Variants in TGFA observed in about 807,000 individuals in gnomAD.
TGFA encodes protransforming growth factor alpha.
TGFA carries 12 observed loss-of-function variants against 21.7 expected under a neutral mutation model. The ratio of observed to expected loss-of-function variants is 0.55; its 90% CI spans 0.35 to 0.90. TGFA has a LOEUF of 0.90. Ranked by LOEUF, TGFA falls within the 40% of genes least tolerant of loss-of-function variation. The pLI is 0.01. For missense variants in TGFA, 178 were observed against 210.8 expected, an observed-to-expected ratio of 0.84 and a Z score of 0.96; for synonymous variants, 79 against 88.1, an observed-to-expected ratio of 0.90 and a Z score of 0.58.
chr2:70,450,743 A>T lies in TGFA; in HGVS notation c.*116T>A. The T allele has an allele frequency of 8.1e-7, 1 of 1,231,872 alleles. No individual in the cohort carries two copies. Among genetic ancestry groups the T allele is most frequent in the Non-Finnish European group, 1.2e-6 (1 of 857,474 alleles). 76.3% of individuals were successfully genotyped at this position (1,231,872 alleles called of 1,614,324 possible). A position where few individuals can be genotyped will look rare whatever the true frequency, so the allele number is the denominator to read the frequency against. Reference sequence around the variant, plus strand: ...CACAAAAGGCTGCACAGGTGATTACAGGCCAAGTAGGAAGGTCTGTGGCAC... The same window carrying T: ...CACAAAAGGCTGCACAGGTGATTACTGGCCAAGTAGGAAGGTCTGTGGCAC... On this transcript the variant is annotated 3_prime_UTR_variant, in exon 6 of 6. Transcript: ENST00000295400.
chr2:70,545,038 A>G (rs1460219316), intron 1 of TGFA, among the ~76,000 whole-genome samples: 2 of 152,238 alleles, frequency 1.3e-5, no homozygotes, highest in African/African-American at 2.4e-5. Context: ...TTGTATCACA[A>G]GGGATAAATG....
chr2:70,537,588 C>CAAAA (rs1553504631), intron 1 of TGFA, among the ~76,000 whole-genome samples: 1 of 152,160 alleles, frequency 6.6e-6, no homozygotes, highest in Non-Finnish European at 1.5e-5. Flanking sequence ...GAGAAAGTTT[C>CAAAA]AGTGGTCTGG....
At position 70,514,857 on chromosome 2, in the gene TGFA, A is replaced by T; in HGVS notation, c.94+2T>A. On this transcript the variant is annotated splice_donor_variant, in intron 2 of 5. Coordinates refer to ENST00000295400, the MANE Select transcript of TGFA (RefSeq NM_003236.4). LOFTEE classifies it high-confidence loss of function. ...CCACACACCCACGGCAGCTGCACTC[A>T]CCACTCAGCGGGGACGTGCTGTTCT... 6.2e-7 allele frequency: 1 copy of T among 1,613,856 alleles called. No homozygotes were observed. The highest frequency in any genetic ancestry group is 8.5e-7 in the Non-Finnish European group (1 of 1,179,918).
intron 2 of TGFA, among the ~76,000 whole-genome samples, chr2:70,474,741 TAA>T (rs1404630432): frequency 6.6e-6 from 1 of 152,178 alleles, no homozygotes; most frequent in Non-Finnish European, 1.5e-5. Flanking sequence ...AGAGCAGGCC[TAA>T]GATGGACTTC....
intron 1 of TGFA, among the ~76,000 whole-genome samples, chr2:70,518,384 T>G (rs1384664194): frequency 6.6e-6 from 1 of 152,174 alleles, no homozygotes; most frequent in African/African-American, 2.4e-5. Context: ...TCCCTCAAAA[T>G]AGAGTGGGAA....
Position 70,514,443 on chromosome 2 carries a change from A to G in TGFA, c.94+416T>C, listed in dbSNP as rs1208417787. On this transcript the variant is annotated intron_variant, in intron 2 of 5. Coordinates refer to ENST00000295400, the MANE Select transcript of TGFA (RefSeq NM_003236.4). The stretch of plus-strand genomic sequence containing the variant: ...TACCGATTTTTTTTTTTTTTTTACT[A>G]TAAGTATTAAAACGTAAACCAGAAA... Among the ~76,000 whole-genome samples, 8 of 147,910 alleles carry G rather than the reference A, an allele frequency of 5.4e-5. 1 individual carries two copies. The highest frequency in any genetic ancestry group is 1.2e-4 in the African/African-American group (5 of 40,070).
chr2:70,477,656 C>G (rs1335427362), intron 2 of TGFA, among the ~76,000 whole-genome samples: 1 of 152,118 alleles, frequency 6.6e-6, no homozygotes, highest in Non-Finnish European at 1.5e-5. Flanking sequence ...CAGGCTTGGT[C>G]CATAAGAACC....
At chr2:70,521,606 G>GTTTTTTTTTTTTTTTTTTTTTTT (rs1559133439) in intron 1 of TGFA, among the ~76,000 whole-genome samples, 1 of 98,222 alleles carries the variant, frequency 1.0e-5, no homozygotes, top group African/African-American at 4.2e-5. Context: ...TTTTTTTGTT[G>GTTTTTTTTTTTTTTTTTTTTTTT]TTGTTTGTTT....
intron 1 of TGFA, among the ~76,000 whole-genome samples, chr2:70,552,978 G>A (rs900097226): frequency 7.9e-5 from 12 of 152,270 alleles, no homozygotes; most frequent in African/African-American, 2.9e-4. Flanking sequence ...GCCAAAAAAC[G>A]CACCGCTCCG....
chr2:70,469,408 C>A (rs782662931), intron 2 of TGFA, among the ~76,000 whole-genome samples: 1 of 152,112 alleles, frequency 6.6e-6, no homozygotes, highest in African/African-American at 2.4e-5. Flanking sequence ...GTTCATGGCT[C>A]ACTGCAGCCT....
At chr2:70,552,996 G>C (rs1419566206) in intron 1 of TGFA, among the ~76,000 whole-genome samples, 1 of 152,172 alleles carries the variant, frequency 6.6e-6, no homozygotes, top group Non-Finnish European at 1.5e-5. Flanking sequence ...CCGCAGACCC[G>C]ACCCGGGAGA....
At chr2:70,466,749 C>T (rs890305766) in intron 2 of TGFA, among the ~76,000 whole-genome samples, 7 of 152,048 alleles carry the variant, frequency 4.6e-5, no homozygotes, top group Admixed American at 4.6e-4. Flanking sequence ...TCGTGGCAGG[C>T]CTATTCACAA....
chr2:70,513,310 G>A (rs1198859130), intron 2 of TGFA, among the ~76,000 whole-genome samples: 7 of 152,144 alleles, frequency 4.6e-5, no homozygotes, highest in Admixed American at 2.6e-4. Flanking sequence ...CTAGAAAGGG[G>A]GTTGGGGCAA....
chr2:70,512,545 G>A (rs1210164633), intron 2 of TGFA, among the ~76,000 whole-genome samples: 6 of 152,242 alleles, frequency 3.9e-5, no homozygotes, highest in Admixed American at 3.3e-4. Flanking sequence ...ATGTCACAAT[G>A]AGGGGAAGTA....
chr2:70,465,173 A>C (rs897735465), intron 3 of TGFA, among the ~76,000 whole-genome samples: 11 of 152,166 alleles, frequency 7.2e-5, no homozygotes, highest in Non-Finnish European at 1.6e-4. Context: ...CTTCACCTGC[A>C]CTTCTGGCTT....
chr2:70,502,123 C>T (rs544243847), intron 2 of TGFA, among the ~76,000 whole-genome samples: 12 of 152,304 alleles, frequency 7.9e-5, no homozygotes, highest in African/African-American at 2.6e-4. Context: ...TCCAATTTAT[C>T]GATGTTCCTC....
In TGFA at chr2:70,553,484, A is replaced by G. The variant is rs1673580039; in HGVS notation, c.40+244T>C. 4 of 1,399,518 alleles carry G rather than the reference A, an allele frequency of 2.9e-6. No individual in the cohort carries two copies. The South Asian group carries it at 5.0e-5, about 18-fold the overall frequency. 86.7% of individuals were successfully genotyped at this position (1,399,518 alleles called of 1,614,324 possible). On this transcript the variant is annotated intron_variant, in intron 1 of 5. Coordinates refer to ENST00000295400, the MANE Select transcript of TGFA (RefSeq NM_003236.4). Reference sequence around the variant, plus strand: ...CGTTCACACTCCGCTTCCCCTTCCCAGGTGTTCTCACGCACGGCCCAGGCA... The same window carrying G: ...CGTTCACACTCCGCTTCCCCTTCCCGGGTGTTCTCACGCACGGCCCAGGCA...
At chr2:70,546,474 A>G (rs1475565602) in intron 1 of TGFA, among the ~76,000 whole-genome samples, 6 of 151,888 alleles carry the variant, frequency 4.0e-5, no homozygotes, top group Non-Finnish European at 7.4e-5. Context: ...CTCCATCCCA[A>G]TGAAAAACCT....
At chr2:70,478,680 A>C (rs1057163982) in intron 2 of TGFA, among the ~76,000 whole-genome samples, 6 of 152,240 alleles carry the variant, frequency 3.9e-5, no homozygotes, top group Admixed American at 3.9e-4. Context: ...ATGCATCTTC[A>C]TTGTATAATT....
Sources: allele counts gnomAD v4.1 joint callset (sites outside exome capture counted in the v4.1 genomes callset), GRCh38; gene constraint gnomAD v4.1.1; transcripts MANE v1.5; gene names NCBI Gene and HGNC (gene_info 2026-07-23, HGNC 2026-07-21).